WWP2: variants seen among roughly 807,000 people sequenced by gnomAD.
WWP2 encodes the protein NEDD4-like E3 ubiquitin-protein ligase WWP2.
In WWP2, 57 loss-of-function variants were observed where a neutral mutation model predicts 121.0. The observed-to-expected ratio is 0.47, with a 90% CI of 0.38 to 0.59. The LOEUF (loss-of-function observed/expected upper bound fraction) is 0.59. WWP2 is among the 20% of genes least tolerant of loss of function. The pLI, the probability that WWP2 is intolerant of heterozygous loss-of-function variation, is 0.00. For synonymous variants in WWP2, 449 were observed against 441.3 expected, an observed-to-expected ratio of 1.02 and a Z score of -0.22; for missense variants, 962 against 1,158.9, an observed-to-expected ratio of 0.83 and a Z score of 2.47.
Position 69,931,169 on chromosome 16 carries a change from CT to C in WWP2, c.1464del (p.Gly489ValfsTer27). On this transcript the variant is annotated frameshift_variant, in exon 14 of 24. Transcript: ENST00000359154. LOFTEE classifies it high-confidence loss of function. ...CTTCCTAGGACGAAGCAAGGTTCCCCTGGTGCTTATGACCGCAGTTTTCGGT... is the reference window on the plus strand; with the variant it reads ...CTTCCTAGGACGAAGCAAGGTTCCCCGGTGCTTATGACCGCAGTTTTCGGT... Reference protein sequence around the residue: ...GFESGTKQGSPGAYDRSFRWK... With the variant: ...GFESGTKQGSXGAYDRSFRWK... 1 of 1,614,186 alleles carries C rather than the reference CT, an allele frequency of 6.2e-7. No individual in the cohort carries two copies. The highest frequency in any genetic ancestry group is 8.5e-7 in the Non-Finnish European group (1 of 1,180,028).
chr16:69,817,603 A>G (rs957322159), intron 4 of WWP2, among the ~76,000 whole-genome samples: 7 of 142,654 alleles, frequency 4.9e-5, no homozygotes, highest in Admixed American at 4.2e-4. Context: ...CCAGTCTTTC[A>G]TTCTTGGCCC....
At chr16:69,839,233 A>T (rs1356841551) in intron 4 of WWP2, among the ~76,000 whole-genome samples, 1 of 152,226 alleles carries the variant, frequency 6.6e-6, no homozygotes, top group Non-Finnish European at 1.5e-5. Flanking sequence ...GGAAATCCTC[A>T]TAAAGGCTGA....
chr16:69,840,822 G>A (rs1015638633), intron 5 of WWP2, among the ~76,000 whole-genome samples: 2 of 152,212 alleles, frequency 1.3e-5, no homozygotes, highest in Non-Finnish European at 2.9e-5. Flanking sequence ...GGTCTGAAAT[G>A]GGTTGGGTTT....
intron 8 of WWP2, among the ~76,000 whole-genome samples, chr16:69,895,410 C>T (rs1478639540): frequency 2.0e-5 from 3 of 152,160 alleles, no homozygotes; most frequent in Admixed American, 1.3e-4. Flanking sequence ...TAATTCTATA[C>T]TCTGTTCAAT....
intron 4 of WWP2, among the ~76,000 whole-genome samples, chr16:69,800,346 C>T (rs972965330): frequency 6.6e-6 from 1 of 152,104 alleles, no homozygotes; most frequent in African/African-American, 2.4e-5. Context: ...GTAATTTGAT[C>T]ATCAGGGAGA....
intron 22 of WWP2, 24 bp downstream of exon 22, chr16:69,939,147 C>G: frequency 6.3e-7 from 1 of 1,583,044 alleles, no homozygotes. Context: ...CGCCCTCTGG[C>G]GTCCTGGCTG....
At chr16:69,931,678 T>G (rs968174317) in intron 15 of WWP2, 98 bp downstream of exon 15, 1 of 1,584,440 alleles carries the variant, frequency 6.3e-7, no homozygotes, top group African/African-American at 1.3e-5. Flanking sequence ...CTGCAGACTT[T>G]CCAGGGCGTG....
chr16:69,781,316 G>A (rs1191339134), intron 1 of WWP2, among the ~76,000 whole-genome samples: 3 of 152,036 alleles, frequency 2.0e-5, no homozygotes, highest in Non-Finnish European at 4.4e-5. Flanking sequence ...GGACGTCAAA[G>A]TTCATTTGCA....
intron 7 of WWP2, among the ~76,000 whole-genome samples, chr16:69,881,840 C>T (rs1256673770): frequency 4.6e-5 from 7 of 152,168 alleles, no homozygotes; most frequent in Non-Finnish European, 5.9e-5. Flanking sequence ...TACAGGCACA[C>T]GCCACCACAC....
chr16:69,784,146 C>G (rs1237061982), intron 1 of WWP2, among the ~76,000 whole-genome samples: 1 of 122,476 alleles, frequency 8.2e-6, no homozygotes, highest in African/African-American at 3.2e-5. Flanking sequence ...ATCGCCCGGG[C>G]TGGAGTGCAG....
At chr16:69,802,931 A>C (rs542250134) in intron 4 of WWP2, among the ~76,000 whole-genome samples, 10 of 152,068 alleles carry the variant, frequency 6.6e-5, no homozygotes, top group Non-Finnish European at 1.5e-4. Context: ...GTATGTGCAA[A>C]TATACCAAAA....
At chr16:69,804,183 T>C (rs1376488149) in intron 4 of WWP2, among the ~76,000 whole-genome samples, 1 of 152,216 alleles carries the variant, frequency 6.6e-6, no homozygotes, top group Non-Finnish European at 1.5e-5. Context: ...TAACTTTCTG[T>C]AGTCCAATCT....
intron 4 of WWP2, among the ~76,000 whole-genome samples, chr16:69,812,713 T>C (rs2056418400): frequency 6.6e-6 from 1 of 152,034 alleles, no homozygotes; most frequent in South Asian, 2.1e-4. Context: ...AGATTCAGAG[T>C]GTGCATTCTT....
intron 4 of WWP2, chr16:69,828,148 A>T: frequency 3.0e-6 from 1 of 335,466 alleles, no homozygotes; most frequent in South Asian, 2.4e-5. Flanking sequence ...AATCAAGAGA[A>T]ATAAGGGTGG....
Position 69,888,147 on chromosome 16 carries a change from C to A in WWP2, c.812C>A (p.Ser271Tyr), listed in dbSNP as rs1220211533. 1 of 1,614,106 alleles carries A rather than the reference C, an allele frequency of 6.2e-7. No homozygotes were observed. Among genetic ancestry groups the A allele is most frequent in the African/African-American group, 1.3e-5 (1 of 74,920 alleles). Reference sequence around the variant, plus strand: ...GTGACCCCGAATCCCAACACGACTTCTCTCCCTGCCCCAGCCACACCGGCT... The same window carrying A: ...GTGACCCCGAATCCCAACACGACTTATCTCCCTGCCCCAGCCACACCGGCT... ...LSVTPNPNTTSLPAPATPAEG... is the reference protein window; with the variant it reads ...LSVTPNPNTTYLPAPATPAEG... Residue 271 changes from serine (S) to tyrosine (Y), a missense_variant, in exon 8 of 24, where the codon TCT (serine) becomes TAT (tyrosine). Transcript: ENST00000359154.
At chr16:69,922,129 G>A (rs1263639746) in intron 10 of WWP2, among the ~76,000 whole-genome samples, 1 of 151,222 alleles carries the variant, frequency 6.6e-6, no homozygotes, top group African/African-American at 2.4e-5. Context: ...GGCTCTTAGG[G>A]TGTGGACTCC....
chr16:69,836,216 A>C (rs1005299481), intron 4 of WWP2, among the ~76,000 whole-genome samples: 3 of 152,126 alleles, frequency 2.0e-5, no homozygotes, highest in Non-Finnish European at 2.9e-5. Flanking sequence ...ATTTTTTTCA[A>C]ACCAAGGTTT....
At chr16:69,772,955 C>G (rs1215765600) in intron 1 of WWP2, among the ~76,000 whole-genome samples, 1 of 152,012 alleles carries the variant, frequency 6.6e-6, no homozygotes, top group Non-Finnish European at 1.5e-5. Flanking sequence ...TTTTCCCTTT[C>G]TGTGGGTTTT....
chr16:69,838,047 C>T (rs2056907279), intron 4 of WWP2, among the ~76,000 whole-genome samples: 1 of 151,786 alleles, frequency 6.6e-6, no homozygotes, highest in South Asian at 2.1e-4. Flanking sequence ...ACATAGTGAA[C>T]CATGTCTCTA....
Sources: allele counts gnomAD v4.1 joint callset (sites outside exome capture counted in the v4.1 genomes callset), GRCh38; gene constraint gnomAD v4.1.1; transcripts MANE v1.5; gene names NCBI Gene and HGNC (gene_info 2026-07-23, HGNC 2026-07-21).